Variants in PPP3R2 observed in about 807,000 individuals in gnomAD.
PPP3R2 encodes the protein protein phosphatase 3 regulatory subunit B, beta, also known as calcineurin subunit B type 2.
For missense variants in PPP3R2, 225 were observed against 217.4 expected, an observed-to-expected ratio of 1.03 and a Z score of -0.22; for synonymous variants, 91 against 91.5, an observed-to-expected ratio of 0.99 and a Z score of 0.03.
Position 101,593,647 on chromosome 9 carries a change from A to C in PPP3R2, c.*762T>G, listed in dbSNP as rs1385263274. The C allele has an allele frequency of 6.6e-6, 1 of 152,304 alleles. No individual in the cohort carries two copies. The highest frequency in any genetic ancestry group is 1.5e-5 in the Non-Finnish European group (1 of 68,116). 9.4% of individuals were successfully genotyped at this position (152,304 alleles called of 1,614,324 possible). On this transcript the variant is annotated 3_prime_UTR_variant, in exon 1 of 1. Transcript: ENST00000374806. ...CCCTATTTAGCTGGAGGTCCCCTTC[A>C]TTGAAATTAATGCTGGTGTGGGCTG...
Position 101,594,481 on chromosome 9 carries a change from C to T in PPP3R2, c.441G>A (p.Lys147=), listed in dbSNP as rs537608957. ...CAGCACTGAATTCCTCAAAGGATAT[C>T]TTCCCATCGCCATCCTTGTCCAGGA... ...IIILDKDGDG[K]ISFEEFSAVV... is the part of the protein sequence containing the mutation. Residue 147 remains lysine, a synonymous_variant, in exon 1 of 1, where the codon AAG becomes AAA. Transcript: ENST00000374806. 8 of 1,614,174 alleles carry T rather than the reference C, an allele frequency of 5.0e-6. No individual in the cohort carries two copies. The highest frequency in any genetic ancestry group is 4.0e-5 in the African/African-American group (3 of 75,036).
rs1828030621 is a variant in PPP3R2 at position 101,591,833 on chromosome 9, A to G, written c.*2576T>C. 6.6e-6 allele frequency: 1 copy of G among 152,202 alleles called. No individual in the cohort carries two copies. Among genetic ancestry groups the G allele is most frequent in the Non-Finnish European group, 1.5e-5 (1 of 68,026 alleles). 9.4% of individuals were successfully genotyped at this position (152,202 alleles called of 1,614,324 possible). On this transcript the variant is annotated 3_prime_UTR_variant, in exon 1 of 1. Coordinates refer to ENST00000374806, the MANE Select transcript of PPP3R2 (RefSeq NM_147180.4). ...CACAAAGCCTTAGGTAACTATCTTGAGTAGATTTATTGAACAATTAGCTTG... is the reference window on the plus strand; with the variant it reads ...CACAAAGCCTTAGGTAACTATCTTGGGTAGATTTATTGAACAATTAGCTTG...
Position 101,594,477 on chromosome 9 carries a change from A to C in PPP3R2, c.445T>G (p.Ser149Ala). ...ILDKDGDGKI[S>A]FEEFSAVVRD... ...ACCACAGCACTGAATTCCTCAAAGG[A>C]TATCTTCCCATCGCCATCCTTGTCC... is the stretch of plus-strand genomic sequence containing the variant. Residue 149 changes from serine to alanine, a missense_variant, in exon 1 of 1, where the codon TCC (serine) becomes GCC (alanine). Coordinates refer to ENST00000374806, the MANE Select transcript of PPP3R2 (RefSeq NM_147180.4). 6.2e-7 allele frequency: 1 copy of C among 1,614,140 alleles called. No homozygotes were observed. The highest frequency in any genetic ancestry group is 1.6e-4 in the Middle Eastern group (1 of 6,062).
Position 101,594,636 on chromosome 9 carries a change from A to T in PPP3R2, c.286T>A (p.Phe96Ile), listed in dbSNP as rs761688744. The T allele has an allele frequency of 6.2e-7, 1 of 1,614,160 alleles. No individual in the cohort carries two copies. The highest frequency in any genetic ancestry group is 8.5e-7 in the Non-Finnish European group (1 of 1,180,032). ...TCTTTATCCATGTCGTAAATGCTGA[A>T]CGCAAACCTCAACTTCTGCTCCTCG... The part of the protein sequence containing the change: ...GDEEQKLRFA[F>I]SIYDMDKDGY... Residue 96 changes from phenylalanine to isoleucine, a missense_variant, in exon 1 of 1, where the codon TTC becomes ATC. Coordinates refer to ENST00000374806, the MANE Select transcript of PPP3R2 (RefSeq NM_147180.4).
At position 101,594,480 on chromosome 9, in the gene PPP3R2, T is replaced by A. The variant is rs748438582; in HGVS notation, c.442A>T (p.Ile148Leu). ...ACAGCACTGAATTCCTCAAAGGATA[T>A]CTTCCCATCGCCATCCTTGTCCAGG... ...IILDKDGDGKISFEEFSAVVR... is the reference protein window; with the variant it reads ...IILDKDGDGKLSFEEFSAVVR... The change falls in exon 1 of 1, where the codon ATA becomes TTA. Residue 148 changes from isoleucine to leucine, a missense_variant. Transcript: ENST00000374806. 20 of 1,614,054 alleles carry A rather than the reference T, an allele frequency of 1.2e-5. 1 individual carries two copies. The highest frequency in any genetic ancestry group is 2.7e-5 in the African/African-American group (2 of 74,916).
In PPP3R2 at chr9:101,594,745, G is replaced by A; in HGVS notation, c.177C>T (p.Ile59=). ...LRHNPLVRRV[I]DVFDTDGDGE... ...CATCACCGTCGGTGTCGAAGACGTCGATCACTCGCCGCACCAACGGGTTGT... is the reference window on the plus strand; with the variant it reads ...CATCACCGTCGGTGTCGAAGACGTCAATCACTCGCCGCACCAACGGGTTGT... The change falls in exon 1 of 1, where the codon ATC becomes ATT. Residue 59 remains isoleucine, a synonymous_variant. Transcript: ENST00000374806. The A allele has an allele frequency of 1.2e-6, 2 of 1,614,096 alleles. No individual in the cohort carries two copies. The highest frequency in any genetic ancestry group is 1.7e-6 in the Non-Finnish European group (2 of 1,180,040).
chr9:101,594,045 C>T lies in PPP3R2; in HGVS notation c.*364G>A, dbSNP rs1828072491. On this transcript the variant is annotated 3_prime_UTR_variant, in exon 1 of 1. Transcript: ENST00000374806. ...TAACACCCATGCAAATTATAAATTT[C>T]CTCCCATATACAAAATGATGAGAAA... 1 of 191,296 alleles carries T rather than the reference C, an allele frequency of 5.2e-6. No homozygotes were observed. Among genetic ancestry groups the T allele is most frequent in the Admixed American group, 5.4e-5 (1 of 18,652 alleles). The allele number at this position is 191,296 out of a possible 1,614,324, so 11.8% of individuals were successfully genotyped here.
Position 101,594,528 on chromosome 9 carries a change from G to C in PPP3R2, c.394C>G (p.Leu132Val). 1 of 1,614,148 alleles carries C rather than the reference G, an allele frequency of 6.2e-7. No individual in the cohort carries two copies. Among genetic ancestry groups the C allele is most frequent in the East Asian group, 2.2e-5 (1 of 44,874 alleles). The change falls in exon 1 of 1, where the codon CTG becomes GTG. Residue 132 changes from leucine (L) to valine (V), a missense_variant. Coordinates refer to ENST00000374806, the MANE Select transcript of PPP3R2 (RefSeq NM_147180.4). ...NNLTDWQLQQ[L>V]VDKTIIILDK... ...AGGATGATGATGGTTTTGTCGACCA[G>C]CTGCTGGAGCTGCCAGTCCGTCAGG...
In PPP3R2 at chr9:101,594,686, G is replaced by GT; in HGVS notation, c.235dup (p.Thr79AsnfsTer25). 1 of 1,614,156 alleles carries GT rather than the reference G, an allele frequency of 6.2e-7. No individual in the cohort carries two copies. The highest frequency in any genetic ancestry group is 1.3e-5 in the African/African-American group (1 of 75,024). On this transcript the variant is annotated frameshift_variant, in exon 1 of 1. Transcript: ENST00000374806. LOFTEE classifies it high-confidence loss of function. ...GTCGCCCTTGACGCTGAACTGGGAG[G>GT]TCCCCAGGATGAATTCCTTGAAGTC...
Position 101,594,765 on chromosome 9 carries a change from G to T in PPP3R2, c.157C>A (p.Pro53Thr). 6.2e-7 allele frequency: 1 copy of T among 1,614,032 alleles called. No individual in the cohort carries two copies. Among genetic ancestry groups the T allele is most frequent in the Non-Finnish European group, 8.5e-7 (1 of 1,180,040 alleles). ...FMSLPELRHN[P>T]LVRRVIDVFD... ...ACGTCGATCACTCGCCGCACCAACG[G>T]GTTGTGGCGCAGCTCCGGCAGGGAC... Residue 53 changes from proline to threonine, a missense_variant, in exon 1 of 1, where the codon CCG (proline) becomes ACG (threonine). Physicochemically the swap from Pro to Thr is conservative, Grantham distance 38. Transcript: ENST00000374806.
In PPP3R2 at chr9:101,591,713, G is replaced by A. The variant is rs1474885006; in HGVS notation, c.*2696C>T. The A allele has an allele frequency of 3.9e-5, 6 of 152,206 alleles. No individual in the cohort carries two copies. The highest frequency in any genetic ancestry group is 5.9e-5 in the Non-Finnish European group (4 of 68,044). 9.4% of individuals were successfully genotyped at this position (152,206 alleles called of 1,614,324 possible). The stretch of plus-strand genomic sequence containing the variant: ...ACTGACAGGAAAAACAAAGCATTCC[G>A]ATTTGGGAATAAATGTGATTCTTTT... On this transcript the variant is annotated 3_prime_UTR_variant, in exon 1 of 1. Coordinates refer to ENST00000374806, the MANE Select transcript of PPP3R2 (RefSeq NM_147180.4).
chr9:101,594,821 T>G lies in PPP3R2; in HGVS notation c.101A>C (p.Lys34Thr). 1 of 1,611,458 alleles carries G rather than the reference T, an allele frequency of 6.2e-7. No homozygotes were observed. The highest frequency in any genetic ancestry group is 1.1e-5 in the South Asian group (1 of 91,086). The change falls in exon 1 of 1, where the codon AAA (lysine) becomes ACA (threonine). Residue 34 changes from lysine to threonine, a missense_variant. Coordinates refer to ENST00000374806, the MANE Select transcript of PPP3R2 (RefSeq NM_147180.4). ...CTCCTCCACGCTCAGAGACCCTGAT[T>G]TGTCCAAGTCCAACTTCTTAAACCT... ...GRRFKKLDLDKSGSLSVEEFM... is the reference protein window; with the variant it reads ...GRRFKKLDLDTSGSLSVEEFM...
rs1828037940 is a variant in PPP3R2 at position 101,592,128 on chromosome 9, C to G, written c.*2281G>C. 1.3e-5 allele frequency: 2 copies of G among 152,144 alleles called. No homozygotes were observed. The highest frequency in any genetic ancestry group is 2.4e-5 in the African/African-American group (1 of 41,440). The allele number at this position is 152,144 out of a possible 1,614,324, so 9.4% of individuals were successfully genotyped here. ...TGAGAGATTTTGTTTTAAAAATTCT[C>G]CAGTTCTCAGGTCAGAAAGTCTGTT... is the stretch of plus-strand genomic sequence containing the variant. On this transcript the variant is annotated 3_prime_UTR_variant, in exon 1 of 1. Coordinates refer to ENST00000374806, the MANE Select transcript of PPP3R2 (RefSeq NM_147180.4).
In PPP3R2 at chr9:101,592,510, GAAGT is replaced by G. The variant is rs1828044274; in HGVS notation, c.*1895_*1898del. 6.6e-6 allele frequency: 1 copy of G among 152,192 alleles called. No individual in the cohort carries two copies. Among genetic ancestry groups the G allele is most frequent in the African/African-American group, 2.4e-5 (1 of 41,442 alleles). The allele number at this position is 152,192 out of a possible 1,614,324, so 9.4% of individuals were successfully genotyped here. On this transcript the variant is annotated 3_prime_UTR_variant, in exon 1 of 1. Transcript: ENST00000374806. ...TTATTCATGCTCACACAGCTAAAAA[GAAGT>G]GAGTGTGATAACAACCCAGTTGCAA...
In PPP3R2 at chr9:101,593,144, A is replaced by C. The variant is rs1328831417; in HGVS notation, c.*1265T>G. 6.6e-6 allele frequency: 1 copy of C among 152,232 alleles called. No individual in the cohort carries two copies. Among genetic ancestry groups the C allele is most frequent in the Non-Finnish European group, 1.5e-5 (1 of 68,042 alleles). 9.4% of individuals were successfully genotyped at this position (152,232 alleles called of 1,614,324 possible). The stretch of plus-strand genomic sequence containing the variant: ...ACAAATTCTCCAAAACAAAACAAAA[A>C]CAACTAAAAGCTTTTGTTCTTTTCT... On this transcript the variant is annotated 3_prime_UTR_variant, in exon 1 of 1. Transcript: ENST00000374806.
rs879726769 is a variant in PPP3R2, at chr9:101,592,772, A to G, written c.*1637T>C. On this transcript the variant is annotated 3_prime_UTR_variant, in exon 1 of 1. Transcript: ENST00000374806. Reference sequence around the variant, plus strand: ...TTGTGGACTTTTTTTTTTTTTTTCTATTTTGGTCAAGACCAGTTGCCAGCT... The same window carrying G: ...TTGTGGACTTTTTTTTTTTTTTTCTGTTTTGGTCAAGACCAGTTGCCAGCT... 2 of 125,588 alleles carry G rather than the reference A, an allele frequency of 1.6e-5. No individual in the cohort carries two copies. Among genetic ancestry groups the G allele is most frequent in the Non-Finnish European group, 3.5e-5 (2 of 57,864 alleles). 7.8% of individuals were successfully genotyped at this position (125,588 alleles called of 1,614,324 possible). A position where few individuals can be genotyped will look rare whatever the true frequency, so the allele number is the denominator to read the frequency against.
rs1392173150 is a variant in PPP3R2 at position 101,592,740 on chromosome 9, A to T, written c.*1669T>A. The T allele has an allele frequency of 6.8e-6, 1 of 146,868 alleles. No homozygotes were observed. Among genetic ancestry groups the T allele is most frequent in the East Asian group, 2.0e-4 (1 of 5,080 alleles). 9.1% of individuals were successfully genotyped at this position (146,868 alleles called of 1,614,324 possible). On this transcript the variant is annotated 3_prime_UTR_variant, in exon 1 of 1. Coordinates refer to ENST00000374806, the MANE Select transcript of PPP3R2 (RefSeq NM_147180.4). ...TTGATAGATGGGTTCCCTACAAGTG[A>T]TTAAATTTGTGGACTTTTTTTTTTT... is the stretch of plus-strand genomic sequence containing the variant.
In PPP3R2 at chr9:101,594,820, T is replaced by A; in HGVS notation, c.102A>T (p.Lys34Asn). The stretch of plus-strand genomic sequence containing the variant: ...ACTCCTCCACGCTCAGAGACCCTGA[T>A]TTGTCCAAGTCCAACTTCTTAAACC... ...GRRFKKLDLD[K>N]SGSLSVEEFM... The change falls in exon 1 of 1, where the codon AAA (lysine) becomes AAT (asparagine). Residue 34 changes from lysine to asparagine, a missense_variant. Physicochemically the swap from Lys to Asn is moderately conservative, Grantham distance 94. Transcript: ENST00000374806. The A allele has an allele frequency of 6.2e-7, 1 of 1,611,484 alleles. No individual in the cohort carries two copies. Among genetic ancestry groups the A allele is most frequent in the Non-Finnish European group, 8.5e-7 (1 of 1,180,016 alleles).
rs73659533 is a variant in PPP3R2 at position 101,592,859 on chromosome 9, T to G, written c.*1550A>C. 7.9e-4 allele frequency: 121 copies of G among 152,246 alleles called. No homozygotes were observed. The highest frequency in any genetic ancestry group is 2.8e-3 in the African/African-American group (118 of 41,552). 9.4% of individuals were successfully genotyped at this position (152,246 alleles called of 1,614,324 possible). A position where few individuals can be genotyped will look rare whatever the true frequency, so the allele number is the denominator to read the frequency against. On this transcript the variant is annotated 3_prime_UTR_variant, in exon 1 of 1. Coordinates refer to ENST00000374806, the MANE Select transcript of PPP3R2 (RefSeq NM_147180.4). ...AGATCTTCCATGTCCTGAAAAAAGT[T>G]ACCTGAGTGGTATCTCTTGGCTAAG...
Sources: allele counts gnomAD v4.1 joint callset, GRCh38; gene constraint gnomAD v4.1.1; transcripts MANE v1.5; gene names NCBI Gene and HGNC (gene_info 2026-07-23, HGNC 2026-07-21).